PPARGC1A: variants seen among roughly 807,000 people sequenced by gnomAD.
PPARGC1A encodes the protein PPARG coactivator 1 alpha.
A neutral mutation model predicts 88.7 loss-of-function variants in PPARGC1A; 25 were observed. The ratio of observed to expected loss-of-function variants is 0.28; its 90% CI spans 0.21 to 0.39. The LOEUF (loss-of-function observed/expected upper bound fraction) is 0.39, where lower values mean the gene tolerates loss of function less well. PPARGC1A is among the 10% of genes least tolerant of loss of function. The probability of loss-of-function intolerance (pLI) is 1.00; values close to 1 mark genes in which losing one functional copy is unlikely to be tolerated. For synonymous variants in PPARGC1A, 363 were observed against 355.6 expected (o/e 1.02, Z -0.24); for missense variants, 880 against 968.7 (o/e 0.91, Z 1.22).
chr4:24,014,784 C>T, the PPARGC1A span, among the ~76,000 whole-genome samples: 1 of 152,120 alleles, frequency 6.6e-6, no homozygotes, highest in Admixed American at 6.5e-5. Context: ...TTAACTCAGA[C>T]CCACCCAGGA....
At chr4:24,470,069 T>C in the PPARGC1A span, among the ~76,000 whole-genome samples, 1 of 152,156 alleles carries the variant, frequency 6.6e-6, no homozygotes, top group Non-Finnish European at 1.5e-5. The surrounding 1 kb of genome is among the most constrained non-coding windows in gnomAD (Gnocchi z 5.8). Context: ...ACAAAGTGCC[T>C]GAGTTTCACG....
chr4:24,043,043 AG>A, the PPARGC1A span, among the ~76,000 whole-genome samples: 1 of 152,208 alleles, frequency 6.6e-6, no homozygotes, highest in Admixed American at 6.5e-5. Context: ...CTAATCTGTC[AG>A]GAAGCTACCA....
chr4:23,901,969 C>T (rs1024428395), upstream of PPARGC1A, among the ~76,000 whole-genome samples: 11 of 152,104 alleles, frequency 7.2e-5, no homozygotes, highest in South Asian at 2.1e-4. Context: ...CCAACGCAGT[C>T]GCCACTAGCC....
chr4:24,423,949 A>C, the PPARGC1A span, among the ~76,000 whole-genome samples: 1 of 151,896 alleles, frequency 6.6e-6, no homozygotes, highest in Non-Finnish European at 1.5e-5. Context: ...TCTTTTTGGC[A>C]CCTTTTCTAG....
chr4:23,973,432 A>G, the PPARGC1A span, among the ~76,000 whole-genome samples: 2 of 152,220 alleles, frequency 1.3e-5, no homozygotes, highest in Admixed American at 1.3e-4. Context: ...GACATGCATA[A>G]TCTTGCCTTG....
At chr4:24,225,273 C>A in the PPARGC1A span, among the ~76,000 whole-genome samples, 1 of 152,088 alleles carries the variant, frequency 6.6e-6, no homozygotes, top group African/African-American at 2.4e-5. Flanking sequence ...TTGAAATACA[C>A]TAAAGAGTGA....
At chr4:24,009,985 C>T in the PPARGC1A span, among the ~76,000 whole-genome samples, 87,265 of 151,962 alleles carry the variant, frequency 0.57, 25,703 homozygotes, top group African/African-American at 0.67. Context: ...TGATACCTCA[C>T]ACATAGAAAC....
the PPARGC1A span, among the ~76,000 whole-genome samples, chr4:23,923,840 C>T: frequency 6.6e-6 from 1 of 152,126 alleles, no homozygotes; most frequent in African/African-American, 2.4e-5. Context: ...TCTCCCTCCA[C>T]CCTCAATACC....
At chr4:23,825,810 T>C (rs1280935703) in intron 5 of PPARGC1A, among the ~76,000 whole-genome samples, 1 of 152,176 alleles carries the variant, frequency 6.6e-6, no homozygotes, top group Non-Finnish European at 1.5e-5. Flanking sequence ...TTAGATACAT[T>C]GATTCAGTTT....
At chr4:24,375,551 A>C in the PPARGC1A span, among the ~76,000 whole-genome samples, 4 of 152,200 alleles carry the variant, frequency 2.6e-5, no homozygotes, top group Admixed American at 6.6e-5. Context: ...AATTCATTCA[A>C]CAAATATTTA....
At chr4:24,200,659 A>AAAAAAAAAAC in the PPARGC1A span, among the ~76,000 whole-genome samples, 5 of 116,424 alleles carry the variant, frequency 4.3e-5, no homozygotes, top group East Asian at 1.1e-3. Flanking sequence ...ATTAAGCAAA[A>AAAAAAAAAAC]AAAAAAAAAA....
At chr4:23,838,376 AC>A (rs2148591266) in intron 2 of PPARGC1A, among the ~76,000 whole-genome samples, 1 of 152,262 alleles carries the variant, frequency 6.6e-6, no homozygotes, top group South Asian at 2.1e-4. Flanking sequence ...CCTAGCTCCT[AC>A]CTCACTCAAA....
the PPARGC1A span, among the ~76,000 whole-genome samples, chr4:24,350,365 AC>A: frequency 6.6e-6 from 1 of 152,224 alleles, no homozygotes; most frequent in African/African-American, 2.4e-5. Context: ...GGGTACACTT[AC>A]ACAAATAGCA....
chr4:24,357,683 C>A, the PPARGC1A span, among the ~76,000 whole-genome samples: 1 of 152,108 alleles, frequency 6.6e-6, no homozygotes, highest in African/African-American at 2.4e-5. Context: ...GGGAGAGACC[C>A]GGTGGGAGAT....
chr4:24,016,049 G>C, the PPARGC1A span, among the ~76,000 whole-genome samples: 2 of 152,172 alleles, frequency 1.3e-5, no homozygotes, highest in Admixed American at 6.5e-5. Context: ...ATAGAGTGGT[G>C]CTTAGGCTGC....
the PPARGC1A span, among the ~76,000 whole-genome samples, chr4:24,305,702 A>C: frequency 2.0e-5 from 3 of 152,092 alleles, no homozygotes; most frequent in Non-Finnish European, 4.4e-5. Flanking sequence ...ATCCCAACTA[A>C]TCGGGAGGCT....
the PPARGC1A span, among the ~76,000 whole-genome samples, chr4:24,185,738 T>C: frequency 1.3e-5 from 2 of 152,034 alleles, no homozygotes; most frequent in African/African-American, 4.8e-5. Flanking sequence ...GTAAAAGCAC[T>C]AATGTGTCAT....
the PPARGC1A span, among the ~76,000 whole-genome samples, chr4:24,424,777 GA>G: frequency 6.6e-6 from 1 of 152,090 alleles, no homozygotes. Context: ...AAATTACATT[GA>G]AAAATCTATA....
At chr4:24,068,711 T>C in the PPARGC1A span, among the ~76,000 whole-genome samples, 1 of 152,206 alleles carries the variant, frequency 6.6e-6, no homozygotes, top group African/African-American at 2.4e-5. Context: ...AATGTTTACC[T>C]AGTCATAGCC....
Sources: gnomAD v4.1 joint callset for allele counts (sites outside exome capture counted in the v4.1 genomes callset) on GRCh38, gnomAD v4.1.1 for gene constraint, Gnocchi (gnomAD v3.1) non-coding constraint, MANE v1.5 for transcripts, NCBI Gene and HGNC (gene_info 2026-07-23, HGNC 2026-07-21) for gene names.